The following RAB3GAP2 variants were observed in gnomAD, a reference collection of about 807,000 sequenced individuals.
The protein encoded by RAB3GAP2 is RAB3 GTPase activating non-catalytic protein subunit 2.
Under a neutral mutation model 185.3 loss-of-function variants are expected in RAB3GAP2, and 87 were observed. That is an observed-to-expected ratio of 0.47 (90% CI 0.39 to 0.56). The LOEUF is 0.56. Among genes scored for constraint, RAB3GAP2 ranks in the 20% least tolerant of loss-of-function variants. The pLI is 0.00. For synonymous variants in RAB3GAP2, 554 were observed against 576.1 expected, an observed-to-expected ratio of 0.96 and a Z score of 0.55; for missense variants, 1,492 against 1,638.2, an observed-to-expected ratio of 0.91 and a Z score of 1.54.
At chr1:220,236,366 G>A (rs1020149138) in intron 1 of RAB3GAP2, among the ~76,000 whole-genome samples, 2 of 151,842 alleles carry the variant, frequency 1.3e-5, no homozygotes, top group Admixed American at 1.3e-4. Flanking sequence ...TAGTAGAGAC[G>A]GGGGTTTCAC....
chr1:220,164,445 G>GTT (rs71169436), intron 27 of RAB3GAP2, among the ~76,000 whole-genome samples: 4 of 118,942 alleles, frequency 3.4e-5, no homozygotes, highest in Admixed American at 8.3e-5. Flanking sequence ...GGCCAGTACT[G>GTT]TTTTTTTTTT....
intron 2 of RAB3GAP2, among the ~76,000 whole-genome samples, chr1:220,214,462 G>A (rs1038745168): frequency 1.3e-5 from 2 of 151,906 alleles, no homozygotes; most frequent in Non-Finnish European, 2.9e-5. Flanking sequence ...GGAGGTAGAG[G>A]TTACAGTGAG....
intron 1 of RAB3GAP2, among the ~76,000 whole-genome samples, chr1:220,249,549 G>A (rs954433008): frequency 1.3e-5 from 2 of 152,186 alleles, no homozygotes; most frequent in East Asian, 1.9e-4. Flanking sequence ...CATTCCTGAG[G>A]AGAAATTCAA....
chr1:220,152,223 A>C (rs1305207305), intron 33 of RAB3GAP2, among the ~76,000 whole-genome samples: 3 of 152,120 alleles, frequency 2.0e-5, no homozygotes, highest in East Asian at 1.9e-4. Context: ...TTACAGGCAC[A>C]TGCCACCACG....
intron 3 of RAB3GAP2, 114 bp downstream of exon 3, chr1:220,213,742 G>C (rs1047125829): frequency 4.3e-5 from 42 of 988,200 alleles, no homozygotes; most frequent in South Asian, 4.1e-4. Context: ...TGGGGGGGGG[G>C]GGAGAGAGAG....
chr1:220,208,356 G>C (rs955939849), intron 7 of RAB3GAP2: 1 of 152,110 alleles, frequency 6.6e-6, no homozygotes, highest in Admixed American at 6.5e-5. Context: ...CTTACGATGA[G>C]TATTATTAGT....
At chr1:220,219,391 C>A (rs559195298) in intron 2 of RAB3GAP2, 1 of 152,202 alleles carries the variant, frequency 6.6e-6, no homozygotes, top group Non-Finnish European at 1.5e-5. Flanking sequence ...TGGATTTTCA[C>A]TAACCATGCC....
chr1:220,156,889 G>C (rs1657868205), intron 31 of RAB3GAP2, among the ~76,000 whole-genome samples: 1 of 152,120 alleles, frequency 6.6e-6, no homozygotes, highest in Non-Finnish European at 1.5e-5. Flanking sequence ...CAGGATGTGG[G>C]TATTGGTTTG....
chr1:220,227,820 C>T (rs940361773), intron 2 of RAB3GAP2, among the ~76,000 whole-genome samples: 2 of 152,092 alleles, frequency 1.3e-5, no homozygotes, highest in South Asian at 2.1e-4. Flanking sequence ...GGTGTAATCT[C>T]GGCTCACTGC....
intron 13 of RAB3GAP2, among the ~76,000 whole-genome samples, chr1:220,191,556 T>C (rs941079921): frequency 1.3e-5 from 2 of 152,164 alleles, no homozygotes; most frequent in Non-Finnish European, 2.9e-5. Flanking sequence ...CAGTGGGTCA[T>C]GCCTGTAATT....
intron 1 of RAB3GAP2, among the ~76,000 whole-genome samples, chr1:220,255,870 C>A (rs1382777714): frequency 6.6e-6 from 1 of 152,076 alleles, no homozygotes; most frequent in Non-Finnish European, 1.5e-5. Flanking sequence ...GGATATCATC[C>A]AGGAGAACTT....
chr1:220,225,925 A>G (rs1480284698), intron 2 of RAB3GAP2, among the ~76,000 whole-genome samples: 1 of 152,204 alleles, frequency 6.6e-6, no homozygotes, highest in Non-Finnish European at 1.5e-5. Context: ...GGAATCTCCA[A>G]TCAGGTCGTG....
At chr1:220,220,172 C>G (rs79783181) in intron 2 of RAB3GAP2, 10,809 of 152,364 alleles carry the variant, frequency 0.071, 497 homozygotes, top group South Asian at 0.12. Flanking sequence ...TTGCCTCCCC[C>G]ACCCTGTTAC....
intron 31 of RAB3GAP2, among the ~76,000 whole-genome samples, chr1:220,156,995 C>T (rs1657869439): frequency 6.6e-6 from 1 of 151,920 alleles, no homozygotes; most frequent in Non-Finnish European, 1.5e-5. Context: ...AGGGATTGGT[C>T]AGGCCTAGAG....
intron 2 of RAB3GAP2, among the ~76,000 whole-genome samples, chr1:220,214,432 AG>A (rs1172953549): frequency 6.6e-6 from 1 of 152,030 alleles, no homozygotes; most frequent in Admixed American, 6.6e-5. Flanking sequence ...AGGCTGAGGC[AG>A]GAGAATCACT....
Position 220,191,124 on chromosome 1 carries a change from C to T in RAB3GAP2, c.1431G>A (p.Val477=), listed in dbSNP as rs891492186. ...CTCTAGGTCCCTGCTGTGTGCTCCA[C>T]ACTTCTAAAATTCCCCTTCTTGGCG... ...IYAPRRGILE[V]WSTQQGPRVG... Residue 477 remains valine, a synonymous_variant, in exon 14 of 35, where the codon GTG becomes GTA. Transcript: ENST00000358951. 4.3e-6 allele frequency: 7 copies of T among 1,613,942 alleles called. No homozygotes were observed. In the African/African-American group the frequency reaches 6.7e-5, roughly 15 times the overall value.
At position 220,232,807 on chromosome 1, in the gene RAB3GAP2, G is replaced by T. The variant is rs1243139709; in HGVS notation, c.172C>A (p.Gln58Lys). 1.9e-6 allele frequency: 3 copies of T among 1,613,040 alleles called. No individual in the cohort carries two copies. Among genetic ancestry groups the T allele is most frequent in the Non-Finnish European group, 2.5e-6 (3 of 1,179,188 alleles). The change falls in exon 2 of 35, where the codon CAA becomes AAA. Residue 58 changes from glutamine to lysine, a missense_variant. This residue lies in a region of RAB3GAP2 where 177 missense variants were observed against 160.6 expected (regional missense o/e 1.10). Transcript: ENST00000358951. Reference sequence around the variant, plus strand: ...TATTTGTAAAGACTTACAGGTTCTTGTGGTTCATTTTCTTCCCATGCTCCC... The same window carrying T: ...TATTTGTAAAGACTTACAGGTTCTTTTGGTTCATTTTCTTCCCATGCTCCC... The part of the protein sequence containing the change: ...GWGAWEENEP[Q>K]EPEEEGNTCK...
rs118022533 is a variant in RAB3GAP2, at chr1:220,207,948, G to A, written c.613-1942C>T. The A allele has an allele frequency of 6.2e-4, 95 of 152,304 alleles. No individual in the cohort carries two copies. The East Asian group carries it at 0.014, about 22-fold the overall frequency. 9.4% of individuals were successfully genotyped at this position (152,304 alleles called of 1,614,324 possible). A position where few individuals can be genotyped will look rare whatever the true frequency, so the allele number is the denominator to read the frequency against. On this transcript the variant is annotated intron_variant, in intron 7 of 34. Coordinates refer to ENST00000358951, the MANE Select transcript of RAB3GAP2 (RefSeq NM_012414.4). ...CCTAGAGCTGAATTAGAGGAAATGTGCTTCTGTGATCTCTGACAAATCTGG... is the reference window on the plus strand; with the variant it reads ...CCTAGAGCTGAATTAGAGGAAATGTACTTCTGTGATCTCTGACAAATCTGG...
intron 9 of RAB3GAP2, among the ~76,000 whole-genome samples, chr1:220,199,518 C>A (rs1316196464): frequency 6.6e-6 from 1 of 152,116 alleles, no homozygotes; most frequent in African/African-American, 2.4e-5. Context: ...ACGAAACATT[C>A]CACAGTAAAC....
Sources: allele counts gnomAD v4.1 joint callset (sites outside exome capture counted in the v4.1 genomes callset), GRCh38; gene constraint gnomAD v4.1.1; regional missense constraint gnomAD v4.1.1; transcripts MANE v1.5; gene names NCBI Gene and HGNC (gene_info 2026-07-23, HGNC 2026-07-21).